The following PAK3 variants were observed in gnomAD, a reference collection of about 807,000 sequenced individuals.
PAK3 encodes the protein p21 (RAC1) activated kinase 3.
PAK3 carries 4 observed loss-of-function variants against 41.0 expected under a neutral mutation model. That is an observed-to-expected ratio of 0.10 (90% confidence interval 0.05 to 0.22). The LOEUF (loss-of-function observed/expected upper bound fraction) is 0.22. PAK3 is among the 10% of genes least tolerant of loss of function. The probability of loss-of-function intolerance (pLI) is 1.00; values close to 1 mark genes in which losing one functional copy is unlikely to be tolerated. For missense variants in PAK3, 205 were observed against 409.9 expected (o/e 0.50, Z 4.32); for synonymous variants, 146 against 139.6 (o/e 1.05, Z -0.32).
At chrX:111,096,909 C>CACACAA (rs1319991693) in intron 1 of PAK3, among the ~76,000 whole-genome samples, 16 of 109,117 alleles carry the variant, frequency 1.5e-4, no homozygotes, top group Admixed American at 4.8e-4. Flanking sequence ...CACACACACA[C>CACACAA]ACGAGGAAAG....
chrX:111,029,416 A>C (rs1275332448), intron 1 of PAK3, among the ~76,000 whole-genome samples: 3 of 111,790 alleles, frequency 2.7e-5, no homozygotes. Flanking sequence ...CCCGCCATTG[A>C]CCAGAAGCAG....
At chrX:111,088,078 T>A (rs1407710488) in intron 1 of PAK3, among the ~76,000 whole-genome samples, 1 of 111,635 alleles carries the variant, frequency 9.0e-6, no homozygotes, top group Non-Finnish European at 1.9e-5. Flanking sequence ...AGTGTCCAGA[T>A]TCATGCTATC....
At chrX:111,107,634 G>T (rs1418051772) in intron 4 of PAK3, among the ~76,000 whole-genome samples, 1 of 111,862 alleles carries the variant, frequency 8.9e-6, no homozygotes, top group Non-Finnish European at 1.9e-5. Flanking sequence ...AGCAAAAAAT[G>T]AGTTCAGAAT....
chrX:111,059,088 G>T (rs1175943937), intron 1 of PAK3, among the ~76,000 whole-genome samples: 1 of 93,669 alleles, frequency 1.1e-5, no homozygotes, highest in African/African-American at 3.9e-5. Flanking sequence ...CGAGGCCCTG[G>T]TATTTCCATA....
chrX:111,062,772 T>C (rs2092667933), intron 1 of PAK3, among the ~76,000 whole-genome samples: 1 of 111,100 alleles, frequency 9.0e-6, no homozygotes, highest in Non-Finnish European at 1.9e-5. Context: ...CAGAAGAGGA[T>C]AAAGAACTGT....
At position 110,966,309 on chromosome X, in the gene PAK3, C is replaced by T. The variant is rs1328597397; in HGVS notation, c.-28+21681C>T. Reference sequence around the variant, plus strand: ...ATTTTTGATTCCCAGAGCAGCTTTTCATCTCTGCCCACCAAACCACCTCCT... The same window carrying T: ...ATTTTTGATTCCCAGAGCAGCTTTTTATCTCTGCCCACCAAACCACCTCCT... On this transcript the variant is annotated intron_variant, in intron 1 of 14. Transcript: ENST00000425146. 6.3e-5 allele frequency among the ~76,000 whole-genome samples: 7 copies of T among 110,867 alleles called. No individual in the cohort carries two copies. In the Admixed American group the frequency reaches 6.7e-4, roughly 11 times the overall value.
At chrX:111,113,960 CT>C (rs997278201) in intron 4 of PAK3, among the ~76,000 whole-genome samples, 1 of 111,957 alleles carries the variant, frequency 8.9e-6, no homozygotes, top group African/African-American at 3.2e-5. Flanking sequence ...TGAACTCATC[CT>C]TTTTTATGGC....
intron 1 of PAK3, among the ~76,000 whole-genome samples, chrX:111,006,957 G>C (rs1234991645): frequency 9.7e-6 from 1 of 103,378 alleles, no homozygotes; most frequent in African/African-American, 3.6e-5. Flanking sequence ...TGATCTTCCC[G>C]CCTTGGCCTC....
chrX:111,146,283 A>G (rs778944964), intron 6 of PAK3, among the ~76,000 whole-genome samples: 33 of 111,890 alleles, frequency 2.9e-4, no homozygotes, highest in African/African-American at 1.0e-3. Context: ...CATCTTGCCA[A>G]AAGTGGAATT....
chrX:110,948,031 C>G (rs2090658284), intron 1 of PAK3, among the ~76,000 whole-genome samples: 1 of 112,107 alleles, frequency 8.9e-6, no homozygotes, highest in Non-Finnish European at 1.9e-5. Flanking sequence ...GGCAATTATC[C>G]TGATAATGCA....
chrX:111,017,353 C>T (rs1443642628), intron 1 of PAK3, among the ~76,000 whole-genome samples: 1 of 110,890 alleles, frequency 9.0e-6, no homozygotes, highest in African/African-American at 3.3e-5. Context: ...ATAGCTAGAT[C>T]GACTAAGCAA....
intron 5 of PAK3, among the ~76,000 whole-genome samples, chrX:111,129,175 T>C (rs1431383236): frequency 8.9e-6 from 1 of 111,835 alleles, no homozygotes; most frequent in Non-Finnish European, 1.9e-5. Flanking sequence ...ATCTAATTAA[T>C]GCACAATAAA....
intron 1 of PAK3, among the ~76,000 whole-genome samples, chrX:111,019,078 A>G (rs1220156735): frequency 9.0e-6 from 1 of 111,438 alleles, no homozygotes; most frequent in African/African-American, 3.3e-5. Flanking sequence ...ACCTTACACC[A>G]TATACATAAA....
intron 1 of PAK3, among the ~76,000 whole-genome samples, chrX:110,986,643 A>G (rs2091549402): frequency 1.8e-5 from 2 of 111,830 alleles, no homozygotes; most frequent in Admixed American, 9.5e-5. Context: ...TCAGATTCTT[A>G]GAACCAGAGA....
intron 8 of PAK3, among the ~76,000 whole-genome samples, chrX:111,162,035 C>T (rs1271752376): frequency 9.0e-5 from 10 of 111,591 alleles, no homozygotes; most frequent in South Asian, 3.8e-4. Context: ...TAATACAGAT[C>T]GCTGGGCTCC....
chrX:110,982,869 T>C (rs1447898390), intron 1 of PAK3, among the ~76,000 whole-genome samples: 4 of 110,320 alleles, frequency 3.6e-5, no homozygotes, highest in Admixed American at 9.7e-5. Context: ...TCCTAGGCCA[T>C]TCTGAGAAAC....
intron 5 of PAK3, among the ~76,000 whole-genome samples, chrX:111,136,911 AT>A (rs1235205400): frequency 8.9e-6 from 1 of 111,736 alleles, no homozygotes. Flanking sequence ...GGTTATTCTG[AT>A]GTGCAGCCCT....
chrX:111,028,540 A>G (rs1244630009), intron 1 of PAK3, among the ~76,000 whole-genome samples: 1 of 111,734 alleles, frequency 8.9e-6, no homozygotes, highest in Non-Finnish European at 1.9e-5. Flanking sequence ...AGTATAAGGG[A>G]AAAATAATAA....
At chrX:110,998,665 A>G (rs1040028567) in intron 1 of PAK3, among the ~76,000 whole-genome samples, 2 of 112,156 alleles carry the variant, frequency 1.8e-5, no homozygotes, top group Admixed American at 9.4e-5. Context: ...AAATGAAAAG[A>G]TCCACCTCCT....
Sources: allele counts gnomAD v4.1 joint callset (sites outside exome capture counted in the v4.1 genomes callset), GRCh38; gene constraint gnomAD v4.1.1; transcripts MANE v1.5; gene names NCBI Gene and HGNC (gene_info 2026-07-23, HGNC 2026-07-21).